The following CAPN11 variants were observed in gnomAD, a reference collection of about 807,000 sequenced individuals.
CAPN11 encodes the protein calpain 11.
Under a neutral mutation model 105.3 loss-of-function variants are expected in CAPN11, and 108 were observed. That is an observed-to-expected ratio of 1.03 (90% CI 0.88 to 1.20). The LOEUF (loss-of-function observed/expected upper bound fraction) is 1.20, where lower values mean the gene tolerates loss of function less well. CAPN11 is among the 50% of genes most tolerant of loss of function. The pLI is 0.00. For synonymous variants in CAPN11, 329 were observed against 344.5 expected, an observed-to-expected ratio of 0.96 and a Z score of 0.50; for missense variants, 883 against 924.8, an observed-to-expected ratio of 0.95 and a Z score of 0.59.
chr6:44,173,468 C>T (rs962088350), intron 7 of CAPN11, 82 bp downstream of exon 7: 16 of 831,106 alleles, frequency 1.9e-5, no homozygotes, highest in African/African-American at 8.5e-5. Context: ...AGTATCTGCA[C>T]GGCCAGCACC....
rs999722185 is a variant in CAPN11 at position 44,159,732 on chromosome 6, AT to A, written c.16+877del. Among the ~76,000 whole-genome samples, 201 of 151,166 alleles carry A rather than the reference AT, an allele frequency of 1.3e-3. 1 individual carries two copies. Among genetic ancestry groups the A allele is most frequent in the African/African-American group, 4.4e-3 (183 of 41,252 alleles). ...TTATTATTATTACTTATTAGTATTT[AT>A]TTTTTTTTAAAGTTCCCTGACACAA... On this transcript the variant is annotated intron_variant, in intron 1 of 22. Transcript: ENST00000398776.
rs1561849084 is a variant in CAPN11, at chr6:44,177,002, G to A, written c.1237+4G>A. The A allele has an allele frequency of 6.2e-7, 1 of 1,608,966 alleles. No individual in the cohort carries two copies. The highest frequency in any genetic ancestry group is 1.1e-5 in the South Asian group (1 of 90,950). On this transcript the variant is annotated splice_donor_region_variant and intron_variant, in intron 11 of 22. Transcript: ENST00000398776. ...GGGGGCTGCAGGAACCACCCTGGTG[G>A]GTGAGGGGTGAGAGGGGAGGGGGTG...
At chr6:44,162,241 CAGA>C (rs1465220860) in intron 1 of CAPN11, among the ~76,000 whole-genome samples, 1 of 152,068 alleles carries the variant, frequency 6.6e-6, no homozygotes, top group Non-Finnish European at 1.5e-5. Context: ...GGGGCTGAAA[CAGA>C]AGGTGTTCAG....
intron 1 of CAPN11, chr6:44,161,710 T>A: frequency 2.2e-6 from 1 of 447,914 alleles, no homozygotes; most frequent in Admixed American, 2.4e-5. Flanking sequence ...GGAGTTAAGA[T>A]GGAACCTGAA....
chr6:44,181,028 T>C (rs1397052366), intron 18 of CAPN11, 31 bp downstream of exon 18: 2 of 1,594,746 alleles, frequency 1.3e-6, no homozygotes, highest in Non-Finnish European at 1.7e-6. Context: ...CTCTTGGCCC[T>C]GTCCCCTGCC....
At chr6:44,168,428 C>T (rs1353913901) in intron 2 of CAPN11, among the ~76,000 whole-genome samples, 1 of 151,352 alleles carries the variant, frequency 6.6e-6, no homozygotes, top group East Asian at 2.0e-4. Flanking sequence ...CGCCACCACG[C>T]CCAGCTAATT....
In CAPN11 at chr6:44,158,903, C is replaced by G. The variant is rs995592991; in HGVS notation, c.16+39C>G. 2.6e-6 allele frequency: 4 copies of G among 1,538,140 alleles called. No individual in the cohort carries two copies. The African/African-American group carries it at 5.5e-5, about 21-fold the overall frequency. ...GGGCCTTGCCCCACTCCTGTACCTC[C>G]TGCAGGCTAGAGCCTCCCCCCAGGG... On this transcript the variant is annotated intron_variant, in intron 1 of 22. Transcript: ENST00000398776.
In CAPN11 at chr6:44,172,981, C is replaced by T. The variant is rs772380025; in HGVS notation, c.570C>T (p.Asp190=). Residue 190 remains aspartate (D), a synonymous_variant, in exon 6 of 23, where the codon GAC becomes GAT. Coordinates refer to ENST00000398776, the MANE Select transcript of CAPN11 (RefSeq NM_007058.4). ...AGTGGGTGAACGTGGTGGTAGATGA[C>T]CGGCTGCCCACAAAGAATGACAAGC... The part of the protein sequence containing the change: ...FGQWVNVVVD[D]RLPTKNDKLV... The T allele has an allele frequency of 4.3e-6, 7 of 1,613,004 alleles. No individual in the cohort carries two copies. The highest frequency in any genetic ancestry group is 5.9e-6 in the Non-Finnish European group (7 of 1,179,522).
chr6:44,181,190 G>A (rs1773076670), intron 18 of CAPN11, 62 bp from the exon 19 acceptor site: 9 of 1,503,016 alleles, frequency 6.0e-6, no homozygotes, highest in Non-Finnish European at 8.3e-6. Context: ...AACCCCCGCT[G>A]CTTCCCTATC....
chr6:44,182,659 C>A (rs1480253932), intron 19 of CAPN11, among the ~76,000 whole-genome samples: 1 of 152,170 alleles, frequency 6.6e-6, no homozygotes, highest in Non-Finnish European at 1.5e-5. Flanking sequence ...GTGGTGCGAT[C>A]TCTGCTTACT....
At position 44,176,352 on chromosome 6, in the gene CAPN11, A is replaced by C. The variant is rs746266400; in HGVS notation, c.1001+14A>C. 1 of 1,609,306 alleles carries C rather than the reference A, an allele frequency of 6.2e-7. No individual in the cohort carries two copies. On this transcript the variant is annotated intron_variant, in intron 9 of 22. Transcript: ENST00000398776. Reference sequence around the variant, plus strand: ...TTGGAGTGACAGGTAGGTGTCCCCAACCCAGGTGAGGGGTGGTCGGAGGAT... The same window carrying C: ...TTGGAGTGACAGGTAGGTGTCCCCACCCCAGGTGAGGGGTGGTCGGAGGAT...
At chr6:44,175,773 T>A (rs926106735) in intron 7 of CAPN11, among the ~76,000 whole-genome samples, 1 of 109,704 alleles carries the variant, frequency 9.1e-6, no homozygotes, top group Non-Finnish European at 1.9e-5. Context: ...AAGCTCTGTC[T>A]CAAATAATAA....
rs537789486 is a variant in CAPN11 at position 44,167,905 on chromosome 6, G to A, written c.88+1076G>A. On this transcript the variant is annotated intron_variant, in intron 2 of 22. Transcript: ENST00000398776. ...TACTCCAGCCAGGGCAACAGAGTGA[G>A]ACTCTGTTTTGAAAAAAAAAACAAA... Among the ~76,000 whole-genome samples, 4 of 123,800 alleles carry A rather than the reference G, an allele frequency of 3.2e-5. No homozygotes were observed. In the East Asian group the frequency reaches 6.6e-4, roughly 20 times the overall value. The allele number at this position is 123,800 out of a possible 152,430, so 81.2% of individuals were successfully genotyped here. A position where few individuals can be genotyped will look rare whatever the true frequency, so the allele number is the denominator to read the frequency against.
chr6:44,163,143 G>A (rs1243675490), intron 1 of CAPN11, among the ~76,000 whole-genome samples: 7 of 152,106 alleles, frequency 4.6e-5, no homozygotes, highest in South Asian at 2.1e-4. Context: ...AAACACCCTC[G>A]CAGGTAGAAT....
At chr6:44,167,329 T>C (rs1770090828) in intron 2 of CAPN11, among the ~76,000 whole-genome samples, 1 of 151,466 alleles carries the variant, frequency 6.6e-6, no homozygotes, top group South Asian at 2.1e-4. Context: ...TGAAACCCTA[T>C]CTCTACTAAA....
intron 12 of CAPN11, among the ~76,000 whole-genome samples, chr6:44,177,836 G>C (rs1772386032): frequency 6.6e-6 from 1 of 151,978 alleles, no homozygotes; most frequent in East Asian, 1.9e-4. Flanking sequence ...CTGGGAGAGG[G>C]ACAGGCTCCA....
chr6:44,166,923 GTCAGTCATGTT>G, intron 2 of CAPN11, 94 bp downstream of exon 2: 1 of 621,802 alleles, frequency 1.6e-6, no homozygotes, highest in African/African-American at 1.9e-5. Flanking sequence ...GGTGGGGGAA[GTCAGTCATGTT>G]GTGTGGGGAG....
At chr6:44,172,857 A>C in intron 5 of CAPN11, 83 bp from the exon 6 acceptor site, 8 of 1,463,596 alleles carry the variant, frequency 5.5e-6, no homozygotes, top group Non-Finnish European at 7.4e-6. Context: ...AGCCTCTGAC[A>C]CTGGCGTGTC....
Position 44,181,254 on chromosome 6 carries a change from A to G in CAPN11, c.1872A>G (p.Lys624=), listed in dbSNP as rs753424424. The change falls in exon 19 of 23, where the codon AAA becomes AAG. Residue 624 remains lysine, a splice_region_variant and synonymous_variant. Coordinates refer to ENST00000398776, the MANE Select transcript of CAPN11 (RefSeq NM_007058.4). ...ACRCMINLMD[K]DGSGKLGLLE... ...TGCTGTCCTTGACCACCTTCCAGAA[A>G]GATGGCTCTGGCAAGCTGGGGCTTC... The G allele has an allele frequency of 2.5e-6, 4 of 1,613,558 alleles. No homozygotes were observed. Among genetic ancestry groups the G allele is most frequent in the East Asian group, 2.2e-5 (1 of 44,896 alleles).
Sources: gnomAD v4.1 joint callset for allele counts (sites outside exome capture counted in the v4.1 genomes callset) on GRCh38, gnomAD v4.1.1 for gene constraint, MANE v1.5 for transcripts, NCBI Gene and HGNC (gene_info 2026-07-23, HGNC 2026-07-21) for gene names.